Variants in USP42 observed in about 807,000 individuals in gnomAD.
The protein encoded by USP42 is ubiquitin specific peptidase 42, also known as ubiquitin carboxyl-terminal hydrolase 42.
In USP42, 23 loss-of-function variants were observed where a neutral mutation model predicts 113.0. That is an observed-to-expected ratio of 0.20 (90% CI 0.15 to 0.29). USP42 has a LOEUF of 0.29. USP42 is among the 10% of genes least tolerant of loss of function. The pLI is 1.00. For missense variants in USP42, 2,174 were observed against 1,779.8 expected (o/e 1.22, Z -3.99); for synonymous variants, 933 against 699.0 (o/e 1.33, Z -5.28).
At chr7:6,125,461 G>T (rs1026083012) in intron 3 of USP42, among the ~76,000 whole-genome samples, 17 of 152,182 alleles carry the variant, frequency 1.1e-4, no homozygotes, top group African/African-American at 4.1e-4. Flanking sequence ...CTGCACTCCA[G>T]CCTAGGCAAC....
At chr7:6,115,708 C>T (rs530156322) in intron 3 of USP42, among the ~76,000 whole-genome samples, 185 bp downstream of exon 3, 3 of 152,270 alleles carry the variant, frequency 2.0e-5, no homozygotes, top group South Asian at 2.1e-4. Flanking sequence ...ACATTTTGCA[C>T]CTAATTAGAC....
chr7:6,101,463 G>C (rs1216569735), upstream of USP42, among the ~76,000 whole-genome samples: 1 of 151,218 alleles, frequency 6.6e-6, no homozygotes, highest in Non-Finnish European at 1.5e-5. Context: ...GAGCTTATAA[G>C]AACAGAGGAA....
Position 6,139,702 on chromosome 7 carries a change from T to G in USP42, c.657-426T>G. On this transcript the variant is annotated intron_variant, in intron 5 of 17. Coordinates refer to ENST00000306177, the MANE Select transcript of USP42 (RefSeq NM_032172.3). This position sits in a 1 kb window ranked among gnomAD's most constrained non-coding sequence, Gnocchi z 4.5. ...GTCTGAGACACCTGGTAGATCTCCCTCTGCATTCTCCCTGCCCTGGCACCG... is the reference window on the plus strand; with the variant it reads ...GTCTGAGACACCTGGTAGATCTCCCGCTGCATTCTCCCTGCCCTGGCACCG... 8.2e-6 allele frequency: 2 copies of G among 244,986 alleles called. No homozygotes were observed. The highest frequency in any genetic ancestry group is 1.1e-4 in the South Asian group (2 of 18,702). The allele number at this position is 244,986 out of a possible 1,614,324, so 15.2% of individuals were successfully genotyped here. A position where few individuals can be genotyped will look rare whatever the true frequency, so the allele number is the denominator to read the frequency against.
chr7:6,156,844 A>G lies in USP42; in HGVS notation c.3732A>G (p.Ser1244=). 6.2e-7 allele frequency: 1 copy of G among 1,610,098 alleles called. No individual in the cohort carries two copies. Among genetic ancestry groups the G allele is most frequent in the Non-Finnish European group, 8.5e-7 (1 of 1,178,998 alleles). Residue 1244 remains serine, a synonymous_variant, in exon 16 of 18, where the codon TCA becomes TCG. Coordinates refer to ENST00000306177, the MANE Select transcript of USP42 (RefSeq NM_032172.3). ...AGAAGAAGAAAAAGAAGAGACATTC[A>G]AGAAAATCAGAGGACTTTGTTAAAG... is the stretch of plus-strand genomic sequence containing the variant. ...KKKKKKKKRH[S]RKSEDFVKDS... is the part of the protein sequence containing the mutation.
At chr7:6,109,246 G>C (rs1263604350) in intron 1 of USP42, among the ~76,000 whole-genome samples, 1 of 150,412 alleles carries the variant, frequency 6.6e-6, no homozygotes, top group Non-Finnish European at 1.5e-5. Flanking sequence ...AGGGACAAAA[G>C]AAAAAAAAAC....
At chr7:6,100,713 C>T (rs1461002783), upstream of USP42, among the ~76,000 whole-genome samples, 2 of 142,952 alleles carry the variant, frequency 1.4e-5, no homozygotes, top group African/African-American at 2.8e-5. Context: ...ACGGGAGTCT[C>T]GCTCTGTTGC....
chr7:6,140,010 A>G (rs762314250), intron 5 of USP42, 118 bp from the exon 6 acceptor site: 11 of 975,182 alleles, frequency 1.1e-5, no homozygotes, highest in African/African-American at 6.4e-5. Context: ...TTTATTTTCC[A>G]TGGCTGTCCT....
the USP42 span, among the ~76,000 whole-genome samples, chr7:6,086,790 G>A: frequency 4.0e-5 from 6 of 149,784 alleles, no homozygotes; most frequent in South Asian, 2.1e-4. Context: ...GCAATGGCGC[G>A]GTCTCAGCTC....
At chr7:6,136,056 A>C in intron 4 of USP42, 105 bp downstream of exon 4, 1 of 688,792 alleles carries the variant, frequency 1.5e-6, no homozygotes, top group Non-Finnish European at 2.3e-6. Context: ...CTAGGCTGGA[A>C]TGTAGTGGCG....
chr7:6,090,687 C>A, the USP42 span, among the ~76,000 whole-genome samples: 2 of 146,042 alleles, frequency 1.4e-5, no homozygotes, highest in African/African-American at 5.1e-5. Context: ...TGCACTCTAG[C>A]CTGGGCGACA....
chr7:6,132,304 C>T (rs1583629184), intron 3 of USP42, among the ~76,000 whole-genome samples: 1 of 152,098 alleles, frequency 6.6e-6, no homozygotes, highest in African/African-American at 2.4e-5. Flanking sequence ...AGTCTGTTGT[C>T]GTTTTTACCT....
chr7:6,126,592 CCA>C (rs1171108465), intron 3 of USP42, among the ~76,000 whole-genome samples: 2 of 152,166 alleles, frequency 1.3e-5, no homozygotes, highest in Non-Finnish European at 2.9e-5. Context: ...CCTGATAACG[CCA>C]CAGTTTCTTT....
In USP42 at chr7:6,139,413, C is replaced by T; in HGVS notation, c.656+219C>T. 3 of 425,110 alleles carry T rather than the reference C, an allele frequency of 7.1e-6. No homozygotes were observed. The highest frequency in any genetic ancestry group is 4.8e-5 in the South Asian group (1 of 21,028). The allele number at this position is 425,110 out of a possible 1,614,324, so 26.3% of individuals were successfully genotyped here. On this transcript the variant is annotated intron_variant, in intron 5 of 17. Transcript: ENST00000306177. This position sits in a 1 kb window ranked among gnomAD's most constrained non-coding sequence, Gnocchi z 4.5. ...ACGTAACAGTTTGAGTTGGCTCAAT[C>T]ATAGATGTCAGGAAATAAACATTGG...
the USP42 span, among the ~76,000 whole-genome samples, chr7:6,094,767 C>T: frequency 6.6e-6 from 1 of 150,526 alleles, no homozygotes; most frequent in Admixed American, 6.6e-5. Flanking sequence ...ACTCTTTTGG[C>T]CAGAGGGGGC....
In USP42 at chr7:6,158,402, G is replaced by A. The variant is rs1035422373; in HGVS notation, c.3944-1048G>A. On this transcript the variant is annotated intron_variant, in intron 16 of 17. Coordinates refer to ENST00000306177, the MANE Select transcript of USP42 (RefSeq NM_032172.3). This position sits in a 1 kb window ranked among gnomAD's most constrained non-coding sequence, Gnocchi z 4.2. ...TCCCCTCCTCCCAGGGGCTTTTGAC[G>A]AATCTTCAGGGCTGCCCTGAGGCCT... Among the ~76,000 whole-genome samples, 2 of 152,210 alleles carry A rather than the reference G, an allele frequency of 1.3e-5. No individual in the cohort carries two copies. Among genetic ancestry groups the A allele is most frequent in the South Asian group, 2.1e-4 (1 of 4,836 alleles).
At chr7:6,090,815 T>C in the USP42 span, among the ~76,000 whole-genome samples, 1 of 146,732 alleles carries the variant, frequency 6.8e-6, no homozygotes, top group Non-Finnish European at 1.5e-5. Flanking sequence ...TAGTTATATA[T>C]ATAGTATATA....
rs765874355 is a variant in USP42, at chr7:6,145,497, T to C, written c.991-19T>C. The C allele has an allele frequency of 1.2e-6, 2 of 1,613,874 alleles. No individual in the cohort carries two copies. The highest frequency in any genetic ancestry group is 1.7e-6 in the Non-Finnish European group (2 of 1,179,782). ...TCTGTGCCCTCGGAAATGTTTCTCC[T>C]GTTTCCATTTCCTTCTAGGATGTGA... is the stretch of plus-strand genomic sequence containing the variant. On this transcript the variant is annotated intron_variant, in intron 9 of 17. Transcript: ENST00000306177.
intron 6 of USP42, 147 bp from the exon 7 acceptor site, chr7:6,140,767 A>C (rs1454561026): frequency 5.2e-6 from 3 of 573,180 alleles, no homozygotes; most frequent in Admixed American, 3.7e-5. Flanking sequence ...TATGAGTAGT[A>C]TTAATTTAAA....
chr7:6,082,469 T>A, the USP42 span, among the ~76,000 whole-genome samples: 1 of 148,784 alleles, frequency 6.7e-6, no homozygotes, highest in African/African-American at 2.6e-5. Flanking sequence ...AATATATTTT[T>A]AGGCTGGGTG....
Sources: gnomAD v4.1 joint callset for allele counts (sites outside exome capture counted in the v4.1 genomes callset) on GRCh38, gnomAD v4.1.1 for gene constraint, Gnocchi (gnomAD v3.1) non-coding constraint, MANE v1.5 for transcripts, NCBI Gene and HGNC (gene_info 2026-07-23, HGNC 2026-07-21) for gene names.